CSMD1: variants seen among roughly 807,000 people sequenced by gnomAD.
CSMD1 encodes CUB and sushi domain-containing protein 1.
In CSMD1, 213 loss-of-function variants were observed where a neutral mutation model predicts 417.5. The observed-to-expected ratio is 0.51, with a 90% CI of 0.46 to 0.57. CSMD1 has a LOEUF of 0.57. Ranked by LOEUF, CSMD1 falls within the 20% of genes least tolerant of loss-of-function variation. CSMD1 has a pLI of 0.00. For missense variants in CSMD1, 6,923 were observed against 4,529.7 expected (o/e 1.53, Z -15.17); for synonymous variants, 2,862 against 1,736.8 (o/e 1.65, Z -16.11).
intron 11 of CSMD1, among the ~76,000 whole-genome samples, chr8:3,480,734 C>G (rs1336611339): frequency 6.6e-6 from 1 of 152,052 alleles, no homozygotes; most frequent in Non-Finnish European, 1.5e-5. Flanking sequence ...AATGATTTTC[C>G]CATTTGGGAT....
chr8:4,251,637 G>C (rs1803081758), intron 3 of CSMD1, among the ~76,000 whole-genome samples: 2 of 152,138 alleles, frequency 1.3e-5, no homozygotes, highest in Admixed American at 1.3e-4. Flanking sequence ...ACTGGCAGCT[G>C]AATCATGACA....
At chr8:3,836,929 T>C (rs1256294771) in intron 5 of CSMD1, among the ~76,000 whole-genome samples, 1 of 152,038 alleles carries the variant, frequency 6.6e-6, no homozygotes, top group Non-Finnish European at 1.5e-5. Flanking sequence ...TAGTTAAATC[T>C]CAATGCACTA....
At chr8:3,935,772 G>C (rs1412037635) in intron 5 of CSMD1, among the ~76,000 whole-genome samples, 3 of 152,016 alleles carry the variant, frequency 2.0e-5, no homozygotes, top group Admixed American at 6.6e-5. Flanking sequence ...AATCAAATTA[G>C]GCCAATTAAT....
intron 2 of CSMD1, among the ~76,000 whole-genome samples, chr8:4,580,223 C>T (rs936378594): frequency 9.2e-5 from 14 of 152,212 alleles, no homozygotes; most frequent in African/African-American, 2.9e-4. Flanking sequence ...TGCCCTTCCC[C>T]TTGTGGGTAC....
At chr8:4,700,787 G>A (rs1807479129) in intron 1 of CSMD1, among the ~76,000 whole-genome samples, 1 of 152,006 alleles carries the variant, frequency 6.6e-6, no homozygotes, top group Non-Finnish European at 1.5e-5. Flanking sequence ...CAAATAAAGG[G>A]AAAGGATATT....
intron 5 of CSMD1, among the ~76,000 whole-genome samples, chr8:3,915,157 G>A (rs374579988): frequency 6.6e-6 from 1 of 152,200 alleles, no homozygotes; most frequent in East Asian, 1.9e-4. Context: ...TGTAATCCCA[G>A]CCCTTTGGGA....
chr8:3,364,871 A>C (rs1809450070), intron 20 of CSMD1, among the ~76,000 whole-genome samples: 1 of 152,228 alleles, frequency 6.6e-6, no homozygotes, highest in African/African-American at 2.4e-5. Flanking sequence ...AAACAGACTA[A>C]GACAGTAGTC....
intron 4 of CSMD1, among the ~76,000 whole-genome samples, chr8:4,011,423 C>G (rs1816524885): frequency 1.3e-5 from 2 of 152,174 alleles, no homozygotes; most frequent in African/African-American, 4.8e-5. Flanking sequence ...TTCTGAAATT[C>G]CTTTCACTGC....
intron 1 of CSMD1, among the ~76,000 whole-genome samples, chr8:4,966,866 C>A (rs1035090820): frequency 6.6e-6 from 1 of 152,162 alleles, no homozygotes; most frequent in Non-Finnish European, 1.5e-5. Context: ...GTAAGATCAT[C>A]TTTCCCTTAT....
intron 1 of CSMD1, among the ~76,000 whole-genome samples, chr8:4,770,702 A>G (rs1458235469): frequency 1.4e-5 from 2 of 144,732 alleles, no homozygotes; most frequent in Non-Finnish European, 3.0e-5. Context: ...CAAAAAGGAT[A>G]CAATGGGGAA....
rs144859022 is a variant in CSMD1 at position 4,530,706 on chromosome 8, T to C, written c.302+106636A>G. Among the ~76,000 whole-genome samples the C allele has an allele frequency of 6.0e-3, 912 of 151,466 alleles. 6 individuals are homozygous for C. Among genetic ancestry groups the C allele is most frequent in the African/African-American group, 0.018 (736 of 41,210 alleles). On this transcript the variant is annotated intron_variant, in intron 2 of 69. Coordinates refer to ENST00000635120, the MANE Select transcript of CSMD1 (RefSeq NM_033225.6). ...TTTTTTAGGGCTGCATAGTGTTCCA[T>C]GGTGTATATGTGCCACATTTTCTTT...
At chr8:4,920,226 C>CA (rs1281737124) in intron 1 of CSMD1, among the ~76,000 whole-genome samples, 2 of 152,082 alleles carry the variant, frequency 1.3e-5, no homozygotes, top group Non-Finnish European at 2.9e-5. Context: ...TCTTCACCCC[C>CA]AAATCTACTC....
chr8:4,390,282 G>A (rs985923004), intron 3 of CSMD1, among the ~76,000 whole-genome samples: 4 of 151,990 alleles, frequency 2.6e-5, no homozygotes, highest in African/African-American at 7.2e-5. Flanking sequence ...AAACTGTCAC[G>A]AGGAGCAATC....
chr8:3,497,228 T>C (rs1796403808), intron 10 of CSMD1, among the ~76,000 whole-genome samples: 1 of 152,178 alleles, frequency 6.6e-6, no homozygotes, highest in Admixed American at 6.5e-5. Flanking sequence ...ATCTGTTCCA[T>C]GCTGAGAGTA....
intron 2 of CSMD1, among the ~76,000 whole-genome samples, chr8:4,452,549 T>G (rs1254977754): frequency 1.3e-5 from 2 of 152,192 alleles, no homozygotes; most frequent in Non-Finnish European, 2.9e-5. Flanking sequence ...ATAATTCACT[T>G]TTTCCAATCA....
intron 41 of CSMD1, among the ~76,000 whole-genome samples, chr8:3,122,779 C>T (rs1432691180): frequency 6.6e-6 from 1 of 152,182 alleles, no homozygotes; most frequent in African/African-American, 2.4e-5. Context: ...AACTGTAAGT[C>T]CATTTCAACC....
At chr8:4,827,234 T>C (rs1178227943) in intron 1 of CSMD1, among the ~76,000 whole-genome samples, 1 of 152,140 alleles carries the variant, frequency 6.6e-6, no homozygotes, top group Non-Finnish European at 1.5e-5. Context: ...TTTTCACAGG[T>C]ATTTTTGTAA....
intron 23 of CSMD1, among the ~76,000 whole-genome samples, chr8:3,325,369 C>T (rs1806457953): frequency 6.6e-6 from 1 of 152,208 alleles, no homozygotes; most frequent in Non-Finnish European, 1.5e-5. Flanking sequence ...TTGATGATAC[C>T]ATCTGTTGGC....
chr8:4,138,950 T>C (rs1028006562), intron 3 of CSMD1, among the ~76,000 whole-genome samples: 7 of 152,190 alleles, frequency 4.6e-5, no homozygotes, highest in African/African-American at 1.4e-4. Flanking sequence ...TTAACAAACA[T>C]TGTCGAACAC....
Sources: allele counts gnomAD v4.1 joint callset (sites outside exome capture counted in the v4.1 genomes callset), GRCh38; gene constraint gnomAD v4.1.1; transcripts MANE v1.5; gene names NCBI Gene and HGNC (gene_info 2026-07-23, HGNC 2026-07-21).